The following PAN3 variants were observed in gnomAD, a reference collection of about 807,000 sequenced individuals.
PAN3 encodes poly(A) specific ribonuclease subunit PAN3.
A neutral mutation model predicts 96.2 loss-of-function variants in PAN3; 19 were observed. The observed-to-expected ratio is 0.20, with a 90% CI of 0.14 to 0.29. The LOEUF (loss-of-function observed/expected upper bound fraction) is 0.29. Ranked by LOEUF, PAN3 falls within the 10% of genes least tolerant of loss-of-function variation. The pLI is 1.00. For missense variants in PAN3, 882 were observed against 1,108.1 expected (o/e 0.80, Z 2.90); for synonymous variants, 433 against 406.6 (o/e 1.06, Z -0.78).
At chr13:28,164,062 C>A (rs540967961) in intron 1 of PAN3, among the ~76,000 whole-genome samples, 1 of 152,242 alleles carries the variant, frequency 6.6e-6, no homozygotes, top group South Asian at 2.1e-4. Flanking sequence ...CACTGCACTC[C>A]AGCCTGGGCA....
chr13:28,165,223 G>A (rs1266608538), intron 1 of PAN3, among the ~76,000 whole-genome samples: 19 of 151,776 alleles, frequency 1.3e-4, no homozygotes, highest in Admixed American at 1.2e-3. Flanking sequence ...TGATTCATTA[G>A]GTATAGGATC....
At chr13:28,167,494 G>A (rs1183090357) in intron 1 of PAN3, among the ~76,000 whole-genome samples, 1 of 151,884 alleles carries the variant, frequency 6.6e-6, no homozygotes, top group Non-Finnish European at 1.5e-5. Flanking sequence ...AACCTAGCCA[G>A]GCTGAGAATT....
intron 12 of PAN3, among the ~76,000 whole-genome samples, chr13:28,269,647 TAATTA>T (rs1214404395): frequency 6.6e-6 from 1 of 152,142 alleles, no homozygotes; most frequent in African/African-American, 2.4e-5. Flanking sequence ...ATTACTACAT[TAATTA>T]AATAGTTTCA....
In PAN3 at chr13:28,289,117, C is replaced by T. The variant is rs189521366; in HGVS notation, c.2523+995C>T. On this transcript the variant is annotated intron_variant, in intron 18 of 18. Coordinates refer to ENST00000380958, the MANE Select transcript of PAN3 (RefSeq NM_175854.8). ...CTGGGATTACAGGCATGAGCCACCG[C>T]ACCCGGCCTAACTCTAGGTTTTATA... Among the ~76,000 whole-genome samples, 541 of 152,260 alleles carry T rather than the reference C, an allele frequency of 3.6e-3. 1 individual carries two copies. Among genetic ancestry groups the T allele is most frequent in the Non-Finnish European group, 5.4e-3 (369 of 68,026 alleles).
chr13:28,168,793 C>G (rs987277763), intron 1 of PAN3, among the ~76,000 whole-genome samples: 3 of 151,772 alleles, frequency 2.0e-5, no homozygotes, highest in African/African-American at 7.3e-5. Context: ...CTGAGGCGGG[C>G]AGATCATGAG....
chr13:28,192,466 A>G (rs1456046485), intron 4 of PAN3, among the ~76,000 whole-genome samples: 1 of 152,238 alleles, frequency 6.6e-6, no homozygotes, highest in Non-Finnish European at 1.5e-5. Context: ...TCTAAACACC[A>G]TCATGTCTGT....
intron 5 of PAN3, among the ~76,000 whole-genome samples, chr13:28,218,608 A>G (rs1455606420): frequency 6.6e-6 from 1 of 152,134 alleles, no homozygotes; most frequent in Non-Finnish European, 1.5e-5. Context: ...GTCCTTTATA[A>G]TTTGTTATGA....
intron 7 of PAN3, among the ~76,000 whole-genome samples, chr13:28,259,131 A>ATT (rs546959673): frequency 0.018 from 2,660 of 144,920 alleles, 66 homozygotes; most frequent in African/African-American, 0.063. Context: ...TTCTCATTAG[A>ATT]TTTTTTTTTT....
intron 1 of PAN3, among the ~76,000 whole-genome samples, chr13:28,168,893 C>T (rs1437723912): frequency 1.3e-5 from 2 of 151,612 alleles, no homozygotes; most frequent in African/African-American, 4.8e-5. Flanking sequence ...TGGCAGGCAC[C>T]TGTAGTCTCA....
chr13:28,217,989 A>G (rs1880995704), intron 5 of PAN3, among the ~76,000 whole-genome samples: 1 of 152,012 alleles, frequency 6.6e-6, no homozygotes, highest in Non-Finnish European at 1.5e-5. Flanking sequence ...TTTTCTCAAC[A>G]GGTATTTCAT....
intron 4 of PAN3, among the ~76,000 whole-genome samples, chr13:28,196,053 T>G (rs1878013281): frequency 6.6e-6 from 1 of 150,584 alleles, no homozygotes; most frequent in Non-Finnish European, 1.5e-5. Context: ...AGAGACAGGG[T>G]CTTGCAATGT....
chr13:28,192,387 A>C (rs1421345565), intron 4 of PAN3, among the ~76,000 whole-genome samples: 2 of 152,164 alleles, frequency 1.3e-5, no homozygotes, highest in Non-Finnish European at 2.9e-5. Context: ...TAAAAATTGC[A>C]TTCAAGCTTC....
chr13:28,260,919 A>G (rs1885663617), intron 8 of PAN3, among the ~76,000 whole-genome samples: 1 of 152,216 alleles, frequency 6.6e-6, no homozygotes. Flanking sequence ...TAACTTTAAG[A>G]GAGCTCAATA....
intron 5 of PAN3, among the ~76,000 whole-genome samples, chr13:28,204,487 AAAGTT>A (rs1312637587): frequency 2.0e-5 from 3 of 152,154 alleles, no homozygotes; most frequent in Non-Finnish European, 2.9e-5. Context: ...CTTATCTCCT[AAAGTT>A]GATGTTTGTT....
intron 6 of PAN3, among the ~76,000 whole-genome samples, chr13:28,225,533 C>G (rs975912873): frequency 1.3e-5 from 2 of 152,188 alleles, no homozygotes; most frequent in Non-Finnish European, 2.9e-5. Flanking sequence ...CATAGTCCAG[C>G]CTTGCGCCAA....
intron 9 of PAN3, among the ~76,000 whole-genome samples, chr13:28,264,345 C>T (rs1375995656): frequency 6.6e-6 from 1 of 152,104 alleles, no homozygotes; most frequent in Non-Finnish European, 1.5e-5. Context: ...TTGAGACCAG[C>T]CTGGCCAACA....
chr13:28,164,023 G>A (rs1566149328), intron 1 of PAN3, among the ~76,000 whole-genome samples: 1 of 152,228 alleles, frequency 6.6e-6, no homozygotes, highest in East Asian at 1.9e-4. Flanking sequence ...AGCCTGGGAG[G>A]CAGAGATTGC....
At chr13:28,216,816 A>AT (rs1181926955) in intron 5 of PAN3, among the ~76,000 whole-genome samples, 2 of 132,424 alleles carry the variant, frequency 1.5e-5, no homozygotes, top group African/African-American at 7.4e-5. Flanking sequence ...TTTCCATCTA[A>AT]TTAAAAAAAA....
intron 1 of PAN3, among the ~76,000 whole-genome samples, chr13:28,148,909 G>T (rs924218512): frequency 3.3e-5 from 5 of 151,862 alleles, no homozygotes; most frequent in African/African-American, 9.7e-5. Context: ...ATATTTTAGT[G>T]GTTTATAGTC....
Sources: allele counts gnomAD v4.1 joint callset (sites outside exome capture counted in the v4.1 genomes callset), GRCh38; gene constraint gnomAD v4.1.1; transcripts MANE v1.5; gene names NCBI Gene and HGNC (gene_info 2026-07-23, HGNC 2026-07-21).